The following CDC27 variants were observed in gnomAD, a reference collection of about 807,000 sequenced individuals.
CDC27 encodes the protein cell division cycle 27, also known as cell division cycle protein 27 homolog.
CDC27 carries 27 observed loss-of-function variants against 109.7 expected under a neutral mutation model. That is an observed-to-expected ratio of 0.25 (90% CI 0.18 to 0.34). CDC27 has a LOEUF of 0.34. CDC27 is among the 10% of genes least tolerant of loss of function. The probability of loss-of-function intolerance (pLI) is 1.00; values close to 1 mark genes in which losing one functional copy is unlikely to be tolerated. For missense variants in CDC27, 579 were observed against 960.2 expected (o/e 0.60, Z 5.25); for synonymous variants, 266 against 333.9 (o/e 0.80, Z 2.22).
rs1223585910 is a variant in CDC27 at position 47,117,777 on chromosome 17, TATATTA to T, written c.*3152_*3157del. ...GAGTATGACCGTTTAAAAATATAAA[TATATTA>T]AGAGTGTAAGTTTTAAAAAATTAGA... On this transcript the variant is annotated 3_prime_UTR_variant, in exon 19 of 19. Transcript: ENST00000066544. 3.3e-5 allele frequency: 5 copies of T among 152,148 alleles called. No homozygotes were observed. The highest frequency in any genetic ancestry group is 1.2e-4 in the African/African-American group (5 of 41,444). 9.4% of individuals were successfully genotyped at this position (152,148 alleles called of 1,614,324 possible).
intron 4 of CDC27, among the ~76,000 whole-genome samples, chr17:47,162,673 A>G (rs2148938240): frequency 6.6e-6 from 1 of 152,362 alleles, no homozygotes; most frequent in Non-Finnish European, 1.5e-5. Flanking sequence ...TGGAAAAGTA[A>G]GAGGGGTGAT....
In CDC27 at chr17:47,145,982, G is replaced by T. The variant is rs541069776; in HGVS notation, c.1071-2000C>A. 5.3e-5 allele frequency among the ~76,000 whole-genome samples: 8 copies of T among 151,710 alleles called. No individual in the cohort carries two copies. The East Asian group carries it at 1.6e-3, about 29-fold the overall frequency. ...CCTGAGCTCCTCTGGGAAGGAAATT[G>T]AGTTCAATCATGTGGCCAATGATTC... On this transcript the variant is annotated intron_variant, in intron 9 of 18. Coordinates refer to ENST00000066544, the MANE Select transcript of CDC27 (RefSeq NM_001256.6).
intron 16 of CDC27, among the ~76,000 whole-genome samples, chr17:47,124,262 T>TCTATCTATCTATCTAA (rs2062067794): frequency 6.6e-6 from 1 of 151,374 alleles, no homozygotes; most frequent in Non-Finnish European, 1.5e-5. Context: ...TGGTCATCTA[T>TCTATCTATCTATCTAA]CTATCTATCT....
intron 4 of CDC27, chr17:47,159,510 A>G (rs958904162): frequency 2.1e-5 from 11 of 525,874 alleles, no homozygotes; most frequent in Non-Finnish European, 3.4e-5. Flanking sequence ...ACAGAGCCGC[A>G]GTGGCCTGTC....
rs964448549 is a variant in CDC27 at position 47,117,793 on chromosome 17, G to C, written c.*3142C>G. 6.6e-6 allele frequency: 1 copy of C among 152,118 alleles called. No individual in the cohort carries two copies. Among genetic ancestry groups the C allele is most frequent in the African/African-American group, 2.4e-5 (1 of 41,426 alleles). 9.4% of individuals were successfully genotyped at this position (152,118 alleles called of 1,614,324 possible). A position where few individuals can be genotyped will look rare whatever the true frequency, so the allele number is the denominator to read the frequency against. ...AAATATAAATATATTAAGAGTGTAA[G>C]TTTTAAAAAATTAGATAAACATTGC... On this transcript the variant is annotated 3_prime_UTR_variant, in exon 19 of 19. Coordinates refer to ENST00000066544, the MANE Select transcript of CDC27 (RefSeq NM_001256.6).
chr17:47,131,562 A>C (rs2062334784), intron 15 of CDC27, among the ~76,000 whole-genome samples: 1 of 152,164 alleles, frequency 6.6e-6, no homozygotes, highest in Non-Finnish European at 1.5e-5. Flanking sequence ...GGATGAGAGG[A>C]TGAGAACAAG....
intron 4 of CDC27, among the ~76,000 whole-genome samples, chr17:47,162,385 C>G (rs994313298): frequency 2.6e-5 from 4 of 152,126 alleles, no homozygotes; most frequent in African/African-American, 9.7e-5. Flanking sequence ...TAACCATAGT[C>G]TGCCTATTTA....
At position 47,121,117 on chromosome 17, in the gene CDC27, T is replaced by G. The variant is rs2061971867; in HGVS notation, c.2393-100A>C. 5 of 758,848 alleles carry G rather than the reference T, an allele frequency of 6.6e-6. No individual in the cohort carries two copies. In the South Asian group the frequency reaches 8.0e-5, roughly 12 times the overall value. The allele number at this position is 758,848 out of a possible 1,614,324, so 47.0% of individuals were successfully genotyped here. On this transcript the variant is annotated intron_variant, in intron 18 of 18. Transcript: ENST00000066544. Reference sequence around the variant, plus strand: ...AAAAATTGTATTATATTCAGAGAGATAAAACCCTAAATAAAGGCCCTTAAA... The same window carrying G: ...AAAAATTGTATTATATTCAGAGAGAGAAAACCCTAAATAAAGGCCCTTAAA...
chr17:47,172,356 C>T (rs2063836979), intron 2 of CDC27, among the ~76,000 whole-genome samples: 1 of 152,014 alleles, frequency 6.6e-6, no homozygotes, highest in Non-Finnish European at 1.5e-5. Flanking sequence ...CAGAAACACC[C>T]CTGCCTTTAA....
rs1239060598 is a variant in CDC27 at position 47,141,948 on chromosome 17, T to G, written c.1456A>C (p.Asn486His). 6.2e-7 allele frequency: 1 copy of G among 1,608,620 alleles called. No homozygotes were observed. ...TGAGAAGGTAGATGGCTCAAAATAT[T>G]TATAGCTTCTTTGCAGTTGTATGAA... ...LCSYNCKEAI[N>H]ILSHLPSHHY... The change falls in exon 12 of 19, where the codon AAT becomes CAT. Residue 486 changes from asparagine (N) to histidine (H), a missense_variant. Physicochemically the swap from Asn to His is moderately conservative, Grantham distance 68 (BLOSUM62 1). Transcript: ENST00000066544.
Position 47,120,189 on chromosome 17 carries a change from G to C in CDC27, c.*746C>G, listed in dbSNP as rs948044998. ...TAAAGGTGATCCCACAGAGCTCAAAGAGAAGAGGCAATATGGTAAGAAACA... is the reference window on the plus strand; with the variant it reads ...TAAAGGTGATCCCACAGAGCTCAAACAGAAGAGGCAATATGGTAAGAAACA... On this transcript the variant is annotated 3_prime_UTR_variant, in exon 19 of 19. Coordinates refer to ENST00000066544, the MANE Select transcript of CDC27 (RefSeq NM_001256.6). 1 of 152,288 alleles carries C rather than the reference G, an allele frequency of 6.6e-6. No individual in the cohort carries two copies. The highest frequency in any genetic ancestry group is 1.5e-5 in the Non-Finnish European group (1 of 68,032). 9.4% of individuals were successfully genotyped at this position (152,288 alleles called of 1,614,324 possible). A position where few individuals can be genotyped will look rare whatever the true frequency, so the allele number is the denominator to read the frequency against.
intron 4 of CDC27, among the ~76,000 whole-genome samples, chr17:47,165,468 A>G (rs1309835238): frequency 2.6e-5 from 4 of 151,536 alleles, no homozygotes; most frequent in African/African-American, 9.7e-5. Flanking sequence ...CCATCCATAT[A>G]CTCTCTTTGG....
chr17:47,158,519 G>A (rs1267602889), intron 4 of CDC27, among the ~76,000 whole-genome samples: 2 of 151,968 alleles, frequency 1.3e-5, no homozygotes, highest in Admixed American at 6.6e-5. Flanking sequence ...ACAAACTATC[G>A]TTGCCTTCTT....
chr17:47,165,895 G>C (rs1373316155), intron 4 of CDC27, among the ~76,000 whole-genome samples: 2 of 152,056 alleles, frequency 1.3e-5, no homozygotes, highest in South Asian at 2.1e-4. Flanking sequence ...ACCATTATTT[G>C]CTAAAAAGGA....
chr17:47,175,061 G>A (rs934790062), intron 2 of CDC27, among the ~76,000 whole-genome samples: 4 of 116,468 alleles, frequency 3.4e-5, no homozygotes, highest in African/African-American at 1.3e-4. Flanking sequence ...AAGGAAGGAA[G>A]GAAGGAAGGA....
intron 8 of CDC27, among the ~76,000 whole-genome samples, chr17:47,154,053 C>A (rs1180075132): frequency 6.7e-6 from 1 of 149,632 alleles, no homozygotes; most frequent in Non-Finnish European, 1.5e-5. Flanking sequence ...CACACCACTG[C>A]ACTCCAGCCT....
intron 1 of CDC27, 67 bp from the exon 2 acceptor site, chr17:47,181,704 C>CTCTGG: frequency 1.3e-6 from 1 of 791,956 alleles, no homozygotes. Flanking sequence ...TACTAGCACA[C>CTCTGG]AGCCTTACAT....
At chr17:47,149,703 C>T (rs2063096534) in intron 9 of CDC27, among the ~76,000 whole-genome samples, 1 of 151,922 alleles carries the variant, frequency 6.6e-6, no homozygotes, top group African/African-American at 2.4e-5. Context: ...GCCTGTAATC[C>T]CAGCACTTTG....
At chr17:47,170,128 A>G in intron 3 of CDC27, 86 bp from the exon 4 acceptor site, 1 of 1,043,710 alleles carries the variant, frequency 9.6e-7, no homozygotes, top group Non-Finnish European at 1.3e-6. Flanking sequence ...AAGTGCATCT[A>G]ACTATGGAGA....
Sources: allele counts gnomAD v4.1 joint callset (sites outside exome capture counted in the v4.1 genomes callset), GRCh38; gene constraint gnomAD v4.1.1; transcripts MANE v1.5; gene names NCBI Gene and HGNC (gene_info 2026-07-23, HGNC 2026-07-21).